LTBP1: variants seen among roughly 807,000 people sequenced by gnomAD.
LTBP1 encodes latent transforming growth factor beta binding protein 1.
In LTBP1, 129 loss-of-function variants were observed where a neutral mutation model predicts 207.6. The observed-to-expected ratio is 0.62, with a 90% CI of 0.54 to 0.72. The LOEUF (loss-of-function observed/expected upper bound fraction) is 0.72, where lower values mean the gene tolerates loss of function less well. Among genes scored for constraint, LTBP1 ranks in the 30% least tolerant of loss-of-function variants. The pLI is 0.00. For missense variants in LTBP1, 2,281 were observed against 2,217.2 expected (o/e 1.03, Z -0.58); for synonymous variants, 963 against 833.7 (o/e 1.16, Z -2.67).
chr2:33,196,229 T>G (rs2088549296), intron 7 of LTBP1, among the ~76,000 whole-genome samples: 1 of 152,182 alleles, frequency 6.6e-6, no homozygotes, highest in Admixed American at 6.5e-5. Flanking sequence ...AGCACGAACT[T>G]GACTCTTGAG....
At chr2:32,957,346 G>T (rs1678248846) in intron 2 of LTBP1, among the ~76,000 whole-genome samples, 1 of 152,150 alleles carries the variant, frequency 6.6e-6, no homozygotes, top group Non-Finnish European at 1.5e-5. Flanking sequence ...TTTATTTAAA[G>T]TGAGAGATCT....
chr2:33,215,711 C>CTTTTTTTTTTTTT (rs201936680), intron 7 of LTBP1, among the ~76,000 whole-genome samples: 2 of 125,998 alleles, frequency 1.6e-5, no homozygotes. Context: ...CATTGGTTTT[C>CTTTTTTTTTTTTT]TTTTGTTTTT....
intron 7 of LTBP1, among the ~76,000 whole-genome samples, chr2:33,194,080 G>A (rs1393998300): frequency 1.3e-5 from 2 of 152,002 alleles, no homozygotes; most frequent in African/African-American, 2.4e-5. Flanking sequence ...TCTGCCTCCC[G>A]GGTTCACGCC....
chr2:33,348,717 C>G (rs2094738212), intron 26 of LTBP1, among the ~76,000 whole-genome samples: 1 of 152,012 alleles, frequency 6.6e-6, no homozygotes, highest in Admixed American at 6.6e-5. Flanking sequence ...CTGGGTGATG[C>G]TTAGATAGTC....
Position 33,262,815 on chromosome 2 carries a change from T to C in LTBP1, c.2512T>C (p.Phe838Leu), listed in dbSNP as rs1297194060. The change falls in exon 14 of 34, where the codon TTT (phenylalanine) becomes CTT (leucine). Residue 838 changes from phenylalanine (F) to leucine (L), a missense_variant. By Grantham distance (22) the Phe-to-Leu change is conservative (BLOSUM62 0). Coordinates refer to ENST00000404816, the MANE Select transcript of LTBP1 (RefSeq NM_206943.4). The part of the protein sequence containing the change: ...GISTIHLHPQ[F>L]PVVIEKTSPP... ...TTCCACTATTCATCTGCATCCACAGTTTCCAGGTAGCCTGTGTTGATCTGT... is the reference window on the plus strand; with the variant it reads ...TTCCACTATTCATCTGCATCCACAGCTTCCAGGTAGCCTGTGTTGATCTGT... The C allele has an allele frequency of 6.2e-7, 1 of 1,605,826 alleles. No homozygotes were observed. The highest frequency in any genetic ancestry group is 1.3e-5 in the African/African-American group (1 of 74,744).
chr2:33,298,592 C>T (rs182268574), intron 20 of LTBP1, among the ~76,000 whole-genome samples: 1 of 152,126 alleles, frequency 6.6e-6, no homozygotes, highest in Admixed American at 6.5e-5. Flanking sequence ...AAAATAGTGA[C>T]GTAGGCTGAT....
intron 3 of LTBP1, among the ~76,000 whole-genome samples, chr2:33,027,809 T>C (rs2075499422): frequency 6.6e-6 from 1 of 152,070 alleles, no homozygotes; most frequent in South Asian, 2.1e-4. Context: ...TGCACTCCAG[T>C]CTGGCGACAG....
chr2:33,216,967 C>T (rs530428731), intron 7 of LTBP1, among the ~76,000 whole-genome samples: 1 of 152,310 alleles, frequency 6.6e-6, no homozygotes, highest in African/African-American at 2.4e-5. Context: ...CCTAGCTTGG[C>T]TGACCTCCCT....
At chr2:33,074,151 G>A (rs1272229349) in intron 3 of LTBP1, among the ~76,000 whole-genome samples, 2 of 152,190 alleles carry the variant, frequency 1.3e-5, no homozygotes, top group Non-Finnish European at 2.9e-5. Context: ...TGGCTTCACA[G>A]AATTCTAAAA....
At chr2:33,190,036 G>GA (rs901841829) in intron 7 of LTBP1, among the ~76,000 whole-genome samples, 3 of 151,212 alleles carry the variant, frequency 2.0e-5, no homozygotes, top group African/African-American at 4.8e-5. Context: ...TCAAAAGAAA[G>GA]AAAAAAAAAT....
At chr2:33,023,064 G>C (rs2098355302) in intron 3 of LTBP1, among the ~76,000 whole-genome samples, 1 of 152,122 alleles carries the variant, frequency 6.6e-6, no homozygotes, top group South Asian at 2.1e-4. Context: ...GAATATAACT[G>C]TGTGTCCTTG....
chr2:33,217,775 G>A lies in LTBP1; in HGVS notation c.1804+121G>A, dbSNP rs560356080. 59 of 732,096 alleles carry A rather than the reference G, an allele frequency of 8.1e-5. No individual in the cohort carries two copies. In the South Asian group the frequency reaches 1.0e-3, roughly 13 times the overall value. 45.4% of individuals were successfully genotyped at this position (732,096 alleles called of 1,614,324 possible). On this transcript the variant is annotated intron_variant, in intron 8 of 33. Coordinates refer to ENST00000404816, the MANE Select transcript of LTBP1 (RefSeq NM_206943.4). Reference sequence around the variant, plus strand: ...GAACTCTCCTACTGAATTCTAGAATGTAGTACTATGATGTGCATTTCCAGA... The same window carrying A: ...GAACTCTCCTACTGAATTCTAGAATATAGTACTATGATGTGCATTTCCAGA...
At chr2:33,027,495 AC>A (rs1318974262) in intron 3 of LTBP1, among the ~76,000 whole-genome samples, 1 of 152,084 alleles carries the variant, frequency 6.6e-6, no homozygotes, top group Non-Finnish European at 1.5e-5. Flanking sequence ...ATACCCTTTG[AC>A]CATTTTTTGG....
chr2:33,316,998 G>T (rs981552878), intron 24 of LTBP1, among the ~76,000 whole-genome samples: 11 of 152,130 alleles, frequency 7.2e-5, no homozygotes, highest in Non-Finnish European at 1.3e-4. Flanking sequence ...GACCTCAAGT[G>T]CTCCCTAGTC....
At chr2:33,241,656 A>G (rs1302653673) in intron 9 of LTBP1, among the ~76,000 whole-genome samples, 1 of 152,204 alleles carries the variant, frequency 6.6e-6, no homozygotes, top group Non-Finnish European at 1.5e-5. Flanking sequence ...GGGAAGAGGA[A>G]TGCTAATAAT....
intron 26 of LTBP1, among the ~76,000 whole-genome samples, chr2:33,349,047 G>C (rs2094743380): frequency 6.6e-6 from 1 of 152,178 alleles, no homozygotes; most frequent in South Asian, 2.1e-4. Flanking sequence ...GAAGCCTTCT[G>C]TCTGATTTCA....
intron 3 of LTBP1, among the ~76,000 whole-genome samples, chr2:33,055,736 C>T (rs1171038427): frequency 6.6e-6 from 1 of 152,172 alleles, no homozygotes; most frequent in Non-Finnish European, 1.5e-5. Context: ...GAAAACTTCC[C>T]CAGGTCTGCC....
intron 31 of LTBP1, among the ~76,000 whole-genome samples, chr2:33,375,744 A>G (rs1400292297): frequency 7.0e-6 from 1 of 142,942 alleles, no homozygotes; most frequent in African/African-American, 2.6e-5. Context: ...GGGTTTCACC[A>G]TGTTAGCCAG....
At chr2:33,398,274 C>T (rs369625781) in intron 33 of LTBP1, 90 bp from the exon 34 acceptor site, 17 of 1,221,930 alleles carry the variant, frequency 1.4e-5, no homozygotes, top group South Asian at 5.9e-5. Flanking sequence ...TTGGGGTGGT[C>T]GGGGGAAGGG....
Sources: gnomAD v4.1 joint callset for allele counts (sites outside exome capture counted in the v4.1 genomes callset) on GRCh38, gnomAD v4.1.1 for gene constraint, MANE v1.5 for transcripts, NCBI Gene and HGNC (gene_info 2026-07-23, HGNC 2026-07-21) for gene names.